ZNF689: variants seen among roughly 807,000 people sequenced by gnomAD.
ZNF689 encodes short ORF-encoded histone-binding protein.
ZNF689 carries 14 observed loss-of-function variants against 37.2 expected under a neutral mutation model. That is an observed-to-expected ratio of 0.38 (90% CI 0.25 to 0.59). The LOEUF (loss-of-function observed/expected upper bound fraction) is 0.59. ZNF689 is among the 20% of genes least tolerant of loss of function. The pLI is 0.68. For synonymous variants in ZNF689, 277 were observed against 283.3 expected (o/e 0.98, Z 0.22); for missense variants, 573 against 700.2 (o/e 0.82, Z 2.05).
chr16:30,606,279 G>C (rs550274175), intron 2 of ZNF689, among the ~76,000 whole-genome samples: 2 of 152,176 alleles, frequency 1.3e-5, no homozygotes, highest in South Asian at 2.1e-4. Context: ...CTCCAGCCTG[G>C]GCAACACAGC....
At position 30,604,863 on chromosome 16, in the gene ZNF689, T is replaced by A. The variant is rs770900911; in HGVS notation, c.904A>T (p.Thr302Ser). The A allele has an allele frequency of 6.3e-7, 1 of 1,588,546 alleles. No individual in the cohort carries two copies. The highest frequency in any genetic ancestry group is 8.6e-7 in the Non-Finnish European group (1 of 1,167,422). ...ATGCGCTGGTGGATGACGAGGGCCGTGCGCTGGCGGAAGCGGCGGTTGCAC... is the reference window on the plus strand; with the variant it reads ...ATGCGCTGGTGGATGACGAGGGCCGAGCGCTGGCGGAAGCGGCGGTTGCAC... ...LECNRRFRQRTALVIHQRIHT... is the reference protein window; with the variant it reads ...LECNRRFRQRSALVIHQRIHT... Residue 302 changes from threonine to serine, a missense_variant, in exon 3 of 3, where the codon ACG (threonine) becomes TCG (serine). Coordinates refer to ENST00000287461, the MANE Select transcript of ZNF689 (RefSeq NM_138447.3). This position sits in a 1 kb window ranked among gnomAD's most constrained non-coding sequence, Gnocchi z 5.2.
Position 30,603,909 on chromosome 16 carries a change from C to G in ZNF689, c.*355G>C. On this transcript the variant is annotated 3_prime_UTR_variant, in exon 3 of 3. Transcript: ENST00000287461. ...AGGCAGAGTAGGGGAAGGTCCTGCC[C>G]CTATGAGATTCTCCTGATTGCATGC... 1 of 400,754 alleles carries G rather than the reference C, an allele frequency of 2.5e-6. No individual in the cohort carries two copies. Among genetic ancestry groups the G allele is most frequent in the Non-Finnish European group, 4.8e-6 (1 of 206,402 alleles). The allele number at this position is 400,754 out of a possible 1,614,324, so 24.8% of individuals were successfully genotyped here. A position where few individuals can be genotyped will look rare whatever the true frequency, so the allele number is the denominator to read the frequency against.
At position 30,604,899 on chromosome 16, in the gene ZNF689, T is replaced by C. The variant is rs753537644; in HGVS notation, c.868A>G (p.Thr290Ala). 8.3e-6 allele frequency: 13 copies of C among 1,573,386 alleles called. No individual in the cohort carries two copies. In the Admixed American group the frequency reaches 1.4e-4, roughly 17 times the overall value. The part of the protein sequence containing the change: ...QRTHTGEKPY[T>A]CLECNRRFRQ... ...AAGCGGCGGTTGCACTCGAGGCAAG[T>C]GTAGGGCTTCTCTCCCGTGTGTGTA... The change falls in exon 3 of 3, where the codon ACT (threonine) becomes GCT (alanine). Residue 290 changes from threonine to alanine, a missense_variant. Around this residue, in one of 3 missense-constraint regions of ZNF689, gnomAD observed 317 missense variants for 367.1 expected, o/e 0.86. Coordinates refer to ENST00000287461, the MANE Select transcript of ZNF689 (RefSeq NM_138447.3). This position sits in a 1 kb window ranked among gnomAD's most constrained non-coding sequence, Gnocchi z 5.2.
In ZNF689 at chr16:30,609,859, G is replaced by A. The variant is rs1425897239; in HGVS notation, c.183C>T (p.Thr61=). The change falls in exon 1 of 3, where the codon ACC becomes ACT. Residue 61 remains threonine (T), a synonymous_variant. Coordinates refer to ENST00000287461, the MANE Select transcript of ZNF689 (RefSeq NM_138447.3). ...RALYRDVMRE[T]YGHLGALGCA... The stretch of plus-strand genomic sequence containing the variant: ...CACCGAGCGCGCCCAGGTGACCGTA[G>A]GTCTCCCGCATCACGTCCCGGTACA... 1.2e-6 allele frequency: 2 copies of A among 1,608,852 alleles called. No individual in the cohort carries two copies. The highest frequency in any genetic ancestry group is 1.3e-5 in the African/African-American group (1 of 74,940).
Position 30,602,962 on chromosome 16 carries a change from T to C in ZNF689, c.*1302A>G, listed in dbSNP as rs373748124. The C allele has an allele frequency of 1.1e-4, 17 of 152,384 alleles. No individual in the cohort carries two copies. The East Asian group carries it at 2.9e-3, about 26-fold the overall frequency. 9.4% of individuals were successfully genotyped at this position (152,384 alleles called of 1,614,324 possible). On this transcript the variant is annotated 3_prime_UTR_variant, in exon 3 of 3. Transcript: ENST00000287461. ...TGCTGCCACCTCTGTGGAGGGAGGC[T>C]GGCATGGATACAACTTGATGACTAT...
Position 30,610,142 on chromosome 16 carries a change from A to T in ZNF689, c.-101T>A. On this transcript the variant is annotated 5_prime_UTR_variant, in exon 1 of 3. Transcript: ENST00000287461. ...AGGAGCCCCTGCCGGACCAGGGCTG[A>T]GCGTGGCCGGGGAGGCCCGGAGGGA... 7.2e-7 allele frequency: 1 copy of T among 1,381,804 alleles called. No individual in the cohort carries two copies. Among genetic ancestry groups the T allele is most frequent in the Non-Finnish European group, 9.6e-7 (1 of 1,041,624 alleles). The allele number at this position is 1,381,804 out of a possible 1,614,324, so 85.6% of individuals were successfully genotyped here. A position where few individuals can be genotyped will look rare whatever the true frequency, so the allele number is the denominator to read the frequency against.
chr16:30,604,837 G>A lies in ZNF689; in HGVS notation c.930C>T (p.Ile310=), dbSNP rs2052019722. The A allele has an allele frequency of 3.1e-6, 5 of 1,603,096 alleles. No individual in the cohort carries two copies. Among genetic ancestry groups the A allele is most frequent in the Non-Finnish European group, 4.3e-6 (5 of 1,174,498 alleles). ...ACGGGTAGGGCTTCTCGCCCGTGTG[G>A]ATGCGCTGGTGGATGACGAGGGCCG... is the stretch of plus-strand genomic sequence containing the variant. ...QRTALVIHQR[I]HTGEKPYPCP... The change falls in exon 3 of 3, where the codon ATC becomes ATT. Residue 310 remains isoleucine, a synonymous_variant. Coordinates refer to ENST00000287461, the MANE Select transcript of ZNF689 (RefSeq NM_138447.3). The surrounding 1 kb of genome is among the most constrained non-coding windows in gnomAD (Gnocchi z 5.2).
chr16:30,609,436 C>T, intron 2 of ZNF689, 89 bp downstream of exon 2: 1 of 1,229,264 alleles, frequency 8.1e-7, no homozygotes, highest in South Asian at 1.3e-5. Context: ...CGGCACCCAC[C>T]CCTAGCCCAA....
At position 30,609,640 on chromosome 16, in the gene ZNF689, T is replaced by C; in HGVS notation, c.206-2A>G. On this transcript the variant is annotated splice_acceptor_variant, in intron 1 of 2. Transcript: ENST00000287461. LOFTEE classifies it high-confidence loss of function. ...GGGCTGGTTTGGGACCTGCGCACCC[T>C]GGGGAAAGAGAACAAATCAGAAGGC... The C allele has an allele frequency of 6.2e-7, 1 of 1,613,588 alleles. No homozygotes were observed. Among genetic ancestry groups the C allele is most frequent in the Non-Finnish European group, 8.5e-7 (1 of 1,179,868 alleles).
intron 2 of ZNF689, 178 bp downstream of exon 2, chr16:30,609,347 G>C (rs906167621): frequency 2.3e-5 from 11 of 476,142 alleles, no homozygotes; most frequent in Non-Finnish European, 3.4e-5. Context: ...CTTGCAGACT[G>C]ACATAGGAAT....
chr16:30,610,335 A>G lies in ZNF689; in HGVS notation c.-294T>C, dbSNP rs975421696. The G allele has an allele frequency of 1.2e-5, 5 of 420,946 alleles. No homozygotes were observed. The highest frequency in any genetic ancestry group is 8.3e-5 in the African/African-American group (4 of 48,332). 26.1% of individuals were successfully genotyped at this position (420,946 alleles called of 1,614,324 possible). A position where few individuals can be genotyped will look rare whatever the true frequency, so the allele number is the denominator to read the frequency against. ...CAGGCAGCTTCCAGCTATCGATTTT[A>G]TTGACCGGAGCGCCATGCCGGCTTC... On this transcript the variant is annotated 5_prime_UTR_variant, in exon 1 of 3. Coordinates refer to ENST00000287461, the MANE Select transcript of ZNF689 (RefSeq NM_138447.3).
chr16:30,604,740 G>C lies in ZNF689; in HGVS notation c.1027C>G (p.Arg343Gly). ...VSHRRVHSGERPYACEHCEAR... is the reference protein window; with the variant it reads ...VSHRRVHSGEGPYACEHCEAR... The stretch of plus-strand genomic sequence containing the variant: ...TCACAGTGCTCGCAGGCATAGGGAC[G>C]CTCCCCAGAGTGCACACGCCGGTGA... Residue 343 changes from arginine to glycine, a missense_variant, in exon 3 of 3, where the codon CGT (arginine) becomes GGT (glycine). Arg to Gly is a moderately radical substitution (Grantham distance 125). Coordinates refer to ENST00000287461, the MANE Select transcript of ZNF689 (RefSeq NM_138447.3). This position sits in a 1 kb window ranked among gnomAD's most constrained non-coding sequence, Gnocchi z 5.2. 6.2e-7 allele frequency: 1 copy of C among 1,605,582 alleles called. No individual in the cohort carries two copies. The highest frequency in any genetic ancestry group is 8.5e-7 in the Non-Finnish European group (1 of 1,176,980).
rs766276727 is a variant in ZNF689 at position 30,604,777 on chromosome 16, A to G, written c.990T>C (p.Ser330=). 1.2e-6 allele frequency: 2 copies of G among 1,604,326 alleles called. No homozygotes were observed. Among genetic ancestry groups the G allele is most frequent in the Non-Finnish European group, 1.7e-6 (2 of 1,176,242 alleles). The change falls in exon 3 of 3, where the codon TCT becomes TCC. Residue 330 remains serine (S), a synonymous_variant. Coordinates refer to ENST00000287461, the MANE Select transcript of ZNF689 (RefSeq NM_138447.3). This position sits in a 1 kb window ranked among gnomAD's most constrained non-coding sequence, Gnocchi z 5.2. ...GCACACGCCGGTGACTGACCAGGCG[A>G]GAGGAGGAGGAGAAGCGCCGCTCGC... The part of the protein sequence containing the change: ...PDCERRFSSS[S]RLVSHRRVHS...
chr16:30,603,782 C>T lies in ZNF689; in HGVS notation c.*482G>A. The T allele has an allele frequency of 3.3e-6, 1 of 303,822 alleles. No individual in the cohort carries two copies. 18.8% of individuals were successfully genotyped at this position (303,822 alleles called of 1,614,324 possible). On this transcript the variant is annotated 3_prime_UTR_variant, in exon 3 of 3. Transcript: ENST00000287461. ...GACCTGCCTTGTGAGGTAGTGAGCT[C>T]CCTGTCAAGAGAGATTTTCAAGCAA...
rs1445255594 is a variant in ZNF689, at chr16:30,604,510, G to A, written c.1257C>T (p.His419=). ...GCCGCTCGCCCGAGTGCACGCGCCG[G>A]TGGCTGGCCAGCAGTGAGGGGTAGG... ...RFAYPSLLAS[H]RRVHSGERPY... Residue 419 remains histidine, a synonymous_variant, in exon 3 of 3, where the codon CAC becomes CAT. Transcript: ENST00000287461. This position sits in a 1 kb window ranked among gnomAD's most constrained non-coding sequence, Gnocchi z 5.2. 1.9e-6 allele frequency: 3 copies of A among 1,597,116 alleles called. No individual in the cohort carries two copies. The highest frequency in any genetic ancestry group is 2.3e-5 in the East Asian group (1 of 43,972).
intron 2 of ZNF689, among the ~76,000 whole-genome samples, chr16:30,607,820 G>T (rs1484029925): frequency 6.6e-6 from 1 of 152,104 alleles, no homozygotes; most frequent in East Asian, 1.9e-4. Context: ...AAATTAGCCG[G>T]GTGTGATCGT....
In ZNF689 at chr16:30,605,093, A is replaced by G. The variant is rs2052022761; in HGVS notation, c.674T>C (p.Val225Ala). ...SQRKNLSQHQ[V>A]IHTGEKPYHC... ...ATAGGGCTTCTCCCCTGTATGGATG[A>G]CCTGGTGCTGGGAGAGGTTCTTGCG... Residue 225 changes from valine to alanine, a missense_variant, in exon 3 of 3, where the codon GTC becomes GCC. Val to Ala is a moderately conservative substitution (Grantham distance 64). Transcript: ENST00000287461. This position sits in a 1 kb window ranked among gnomAD's most constrained non-coding sequence, Gnocchi z 5.1. 1 of 1,613,958 alleles carries G rather than the reference A, an allele frequency of 6.2e-7. No homozygotes were observed.
At position 30,610,232 on chromosome 16, in the gene ZNF689, G is replaced by A. The variant is rs1289827685; in HGVS notation, c.-191C>T. 3.0e-6 allele frequency: 2 copies of A among 675,152 alleles called. No homozygotes were observed. Among genetic ancestry groups the A allele is most frequent in the Non-Finnish European group, 4.8e-6 (2 of 415,018 alleles). 41.8% of individuals were successfully genotyped at this position (675,152 alleles called of 1,614,324 possible). A position where few individuals can be genotyped will look rare whatever the true frequency, so the allele number is the denominator to read the frequency against. On this transcript the variant is annotated 5_prime_UTR_variant, in exon 1 of 3. Coordinates refer to ENST00000287461, the MANE Select transcript of ZNF689 (RefSeq NM_138447.3). ...GCTGTTATTCAGGAAACTCCTGCCC[G>A]AACTTGGGTGAAAGGCACCGGAAGA... is the stretch of plus-strand genomic sequence containing the variant.
chr16:30,604,299 T>C lies in ZNF689; in HGVS notation c.1468A>G (p.Ile490Val), dbSNP rs565196540. ...KAPNCSPRSA[I>V]GGSSQRGNAH The stretch of plus-strand genomic sequence containing the variant: ...TTGCCCCTCTGACTGGAGCCCCCGA[T>C]AGCAGATCTAGGGCTACAGTTTGGG... The change falls in exon 3 of 3, where the codon ATC (isoleucine) becomes GTC (valine). Residue 490 changes from isoleucine (I) to valine (V), a missense_variant. Transcript: ENST00000287461. This position sits in a 1 kb window ranked among gnomAD's most constrained non-coding sequence, Gnocchi z 5.2. 2.9e-5 allele frequency: 47 copies of C among 1,614,128 alleles called. No homozygotes were observed. In the East Asian group the frequency reaches 9.4e-4, roughly 32 times the overall value.
Sources: gnomAD v4.1 joint callset for allele counts (sites outside exome capture counted in the v4.1 genomes callset) on GRCh38, gnomAD v4.1.1 for gene constraint, gnomAD v4.1.1 regional missense constraint, Gnocchi (gnomAD v3.1) non-coding constraint, MANE v1.5 for transcripts, NCBI Gene and HGNC (gene_info 2026-07-23, HGNC 2026-07-21) for gene names.